Variants in ABCG1 observed in about 807,000 individuals in gnomAD.
The protein encoded by ABCG1 is ATP-binding cassette sub-family G member 1.
ABCG1 carries 29 observed loss-of-function variants against 69.2 expected under a neutral mutation model. The observed-to-expected ratio is 0.42, with a 90% confidence interval of 0.31 to 0.57. The LOEUF (loss-of-function observed/expected upper bound fraction) is 0.57, where lower values mean the gene tolerates loss of function less well. Among genes scored for constraint, ABCG1 ranks in the 20% least tolerant of loss-of-function variants. ABCG1 has a pLI of 0.15. For synonymous variants in ABCG1, 370 were observed against 374.8 expected (o/e 0.99, Z 0.15); for missense variants, 718 against 898.1 (o/e 0.80, Z 2.56).
intron 2 of ABCG1, chr21:42,260,058 A>T (rs575739364): frequency 6.4e-7 from 1 of 1,550,604 alleles, no homozygotes; most frequent in Non-Finnish European, 8.7e-7. Flanking sequence ...GGTGGTCGCT[A>T]TCAGTGGCAA....
intron 1 of ABCG1, among the ~76,000 whole-genome samples, chr21:42,201,351 A>C (rs1453297064): frequency 6.6e-6 from 1 of 151,702 alleles, no homozygotes; most frequent in African/African-American, 2.4e-5. Flanking sequence ...TAGGGTTTTC[A>C]CTCCTATGAG....
At chr21:42,277,841 A>G (rs2068737690) in intron 5 of ABCG1, among the ~76,000 whole-genome samples, 1 of 152,262 alleles carries the variant, frequency 6.6e-6, no homozygotes, top group Non-Finnish European at 1.5e-5. Flanking sequence ...GAACAGTCAT[A>G]GCAATTCTAT....
rs1750027172 is a variant in ABCG1, at chr21:42,276,568, C to A, written c.538-327C>A. 2.9e-6 allele frequency: 1 copy of A among 341,612 alleles called. No homozygotes were observed. Among genetic ancestry groups the A allele is most frequent in the South Asian group, 4.6e-5 (1 of 21,774 alleles). 21.2% of individuals were successfully genotyped at this position (341,612 alleles called of 1,614,324 possible). A position where few individuals can be genotyped will look rare whatever the true frequency, so the allele number is the denominator to read the frequency against. ...GCAGGGGCATCGGAAGCCAAGAACT[C>A]CTTGGGTTTTCCATGATGATCAGCT... On this transcript the variant is annotated intron_variant, in intron 4 of 14. Transcript: ENST00000398449. This position sits in a 1 kb window ranked among gnomAD's most constrained non-coding sequence, Gnocchi z 5.3.
chr21:42,224,167 T>A, intron 1 of ABCG1, among the ~76,000 whole-genome samples: 1 of 152,192 alleles, frequency 6.6e-6, no homozygotes, highest in African/African-American at 2.4e-5. Context: ...CTAGAGCGCA[T>A]TGTCTTGTCC....
intron 2 of ABCG1, among the ~76,000 whole-genome samples, chr21:42,255,338 G>T (rs2068285755): frequency 6.6e-6 from 1 of 152,204 alleles, no homozygotes; most frequent in Admixed American, 6.5e-5. Context: ...GTGCACGCAT[G>T]ATTGTGTGTA....
At chr21:42,261,211 C>G (rs981866160) in intron 2 of ABCG1, among the ~76,000 whole-genome samples, 11 of 151,482 alleles carry the variant, frequency 7.3e-5, no homozygotes, top group African/African-American at 2.4e-4. Flanking sequence ...CCACCACCCC[C>G]CCTCTCCCGC....
chr21:42,276,796 T>C lies in ABCG1; in HGVS notation c.538-99T>C, dbSNP rs1414973191. The C allele has an allele frequency of 8.0e-7, 1 of 1,244,562 alleles. No individual in the cohort carries two copies. Among genetic ancestry groups the C allele is most frequent in the South Asian group, 1.3e-5 (1 of 78,790 alleles). 77.1% of individuals were successfully genotyped at this position (1,244,562 alleles called of 1,614,324 possible). A position where few individuals can be genotyped will look rare whatever the true frequency, so the allele number is the denominator to read the frequency against. Reference sequence around the variant, plus strand: ...GCTAGTGGCACTGTGGCTAGCTGCATCTTGGCTAGCTGCACCGTGGCCTGC... The same window carrying C: ...GCTAGTGGCACTGTGGCTAGCTGCACCTTGGCTAGCTGCACCGTGGCCTGC... On this transcript the variant is annotated intron_variant, in intron 4 of 14. Transcript: ENST00000398449. The surrounding 1 kb of genome is among the most constrained non-coding windows in gnomAD (Gnocchi z 5.3).
intron 2 of ABCG1, among the ~76,000 whole-genome samples, chr21:42,243,098 C>T (rs2068075679): frequency 2.0e-5 from 3 of 152,154 alleles, no homozygotes; most frequent in South Asian, 2.1e-4. Flanking sequence ...GAGTGAGGGC[C>T]CTGCTCTCCC....
Position 42,219,270 on chromosome 21 carries a change from G to C in ABCG1, c.8G>C (p.Cys3Ser), listed in dbSNP as rs769423410. The change falls in exon 1 of 15, where the codon TGT becomes TCT. Residue 3 changes from cysteine (C) to serine (S), a missense_variant. By Grantham distance (112) the Cys-to-Ser change is moderately radical. Coordinates refer to ENST00000398449, the MANE Select transcript of ABCG1 (RefSeq NM_016818.3). This position sits in a 1 kb window ranked among gnomAD's most constrained non-coding sequence, Gnocchi z 5.3. MA[C>S]LMAAFSVGTA... ...CGCCGCCGCCCCCGGGGCATGGCCT[G>C]TCTGATGGCCGCTTTCTCGGTCGGC... 1.3e-6 allele frequency: 2 copies of C among 1,586,192 alleles called. No homozygotes were observed. The highest frequency in any genetic ancestry group is 1.1e-5 in the South Asian group (1 of 88,586).
rs996185284 is a variant in ABCG1, at chr21:42,271,144, G to A, written c.361G>A (p.Gly121Arg). ...GTTGGTGGCCATTATGGGTCCTTCC[G>A]GGGCCGGGAAGTCCACGCTGATGAA... ...GELVAIMGPS[G>R]AGKSTLMNIL... Residue 121 changes from glycine (G) to arginine (R), a missense_variant, in exon 3 of 15, where the codon GGG becomes AGG. By Grantham distance (125) the Gly-to-Arg change is moderately radical. Coordinates refer to ENST00000398449, the MANE Select transcript of ABCG1 (RefSeq NM_016818.3). The A allele has an allele frequency of 3.8e-6, 6 of 1,580,206 alleles. No homozygotes were observed. The highest frequency in any genetic ancestry group is 1.4e-5 in the African/African-American group (1 of 72,984).
At chr21:42,251,420 T>C (rs1396630567) in intron 2 of ABCG1, among the ~76,000 whole-genome samples, 3 of 152,206 alleles carry the variant, frequency 2.0e-5, no homozygotes, top group Non-Finnish European at 4.4e-5. Context: ...CTAAGTTGTC[T>C]TAAGTCTGAA....
intron 2 of ABCG1, among the ~76,000 whole-genome samples, chr21:42,235,989 T>G (rs1008478061): frequency 2.0e-5 from 3 of 152,220 alleles, no homozygotes; most frequent in Non-Finnish European, 2.9e-5. Flanking sequence ...AGGAGACAGT[T>G]GATTTTTGAT....
At chr21:42,265,916 C>T (rs1270586585) in intron 2 of ABCG1, among the ~76,000 whole-genome samples, 1 of 152,188 alleles carries the variant, frequency 6.6e-6, no homozygotes, top group African/African-American at 2.4e-5. Context: ...AGGGATTAAT[C>T]TATAGGCCTC....
upstream of ABCG1, among the ~76,000 whole-genome samples, chr21:42,211,587 A>T (rs1383734584): frequency 2.0e-5 from 3 of 151,940 alleles, no homozygotes; most frequent in Non-Finnish European, 4.4e-5. Flanking sequence ...GCATTAAGAG[A>T]TGCGATCCTG....
In ABCG1 at chr21:42,201,174, T is replaced by C. The variant is rs149571739; in HGVS notation, c.-99-403T>C. Reference sequence around the variant, plus strand: ...GTGTCTGCAAGCAGTTGATTTATTATGGTCTCTGTGCAGTCAAACCTCTCT... The same window carrying C: ...GTGTCTGCAAGCAGTTGATTTATTACGGTCTCTGTGCAGTCAAACCTCTCT... On this transcript the variant is annotated intron_variant, in intron 1 of 15. Transcript: ENST00000398457. 8.1e-3 allele frequency among the ~76,000 whole-genome samples: 1,237 copies of C among 152,306 alleles called. 23 individuals are homozygous for C. Among genetic ancestry groups the C allele is most frequent in the African/African-American group, 0.028 (1,172 of 41,558 alleles).
chr21:42,200,306 G>A (rs772406836), intron 1 of ABCG1, among the ~76,000 whole-genome samples: 18 of 152,190 alleles, frequency 1.2e-4, no homozygotes, highest in African/African-American at 2.4e-4. Flanking sequence ...GGGTCCCAAC[G>A]GGTTTCTAGA....
chr21:42,227,837 G>A (rs2067841016), intron 2 of ABCG1, among the ~76,000 whole-genome samples: 1 of 151,414 alleles, frequency 6.6e-6, no homozygotes, highest in Non-Finnish European at 1.5e-5. Context: ...CATGGGGTGA[G>A]GGGAGAGAGA....
chr21:42,291,940 T>G lies in ABCG1; in HGVS notation c.1653+284T>G, dbSNP rs111607532. Among the ~76,000 whole-genome samples, 2,351 of 152,206 alleles carry G rather than the reference T, an allele frequency of 0.015. 75 individuals carry two copies. The highest frequency in any genetic ancestry group is 0.053 in the African/African-American group (2,189 of 41,518). The stretch of plus-strand genomic sequence containing the variant: ...AGCCCCAAGCACAGCCACGCTTAGG[T>G]GCTGTGCTGGCCCCATTTTACATAG... On this transcript the variant is annotated intron_variant, in intron 13 of 14. Transcript: ENST00000398449. The surrounding 1 kb of genome is among the most constrained non-coding windows in gnomAD (Gnocchi z 6.4).
rs575109195 is a variant in ABCG1, at chr21:42,242,484, C to T, written c.286+16570C>T. Among the ~76,000 whole-genome samples the T allele has an allele frequency of 7.9e-4, 120 of 152,298 alleles. 2 individuals are homozygous for T. The South Asian group carries it at 0.024, about 31-fold the overall frequency. On this transcript the variant is annotated intron_variant, in intron 2 of 14. Coordinates refer to ENST00000398449, the MANE Select transcript of ABCG1 (RefSeq NM_016818.3). Reference sequence around the variant, plus strand: ...CTGCTGCATACTCCAGCCTGGGTGACAGCAGAGACCCTGTCCCTAAAAACA... The same window carrying T: ...CTGCTGCATACTCCAGCCTGGGTGATAGCAGAGACCCTGTCCCTAAAAACA...
Sources: gnomAD v4.1 joint callset for allele counts (sites outside exome capture counted in the v4.1 genomes callset) on GRCh38, gnomAD v4.1.1 for gene constraint, Gnocchi (gnomAD v3.1) non-coding constraint, MANE v1.5 for transcripts, NCBI Gene and HGNC (gene_info 2026-07-23, HGNC 2026-07-21) for gene names.